ZNF573: variants seen among roughly 807,000 people sequenced by gnomAD.
The protein encoded by ZNF573 is zinc finger protein 573.
In ZNF573, 41 loss-of-function variants were observed where a neutral mutation model predicts 57.4. The observed-to-expected ratio is 0.71, with a 90% CI of 0.56 to 0.93. The LOEUF is 0.93. Among genes scored for constraint, ZNF573 ranks in the 40% least tolerant of loss-of-function variants. The probability of loss-of-function intolerance (pLI) is 0.00; values close to 1 mark genes in which losing one functional copy is unlikely to be tolerated. For synonymous variants in ZNF573, 249 were observed against 261.0 expected (o/e 0.95, Z 0.44); for missense variants, 730 against 794.8 (o/e 0.92, Z 0.98).
intron 4 of ZNF573, among the ~76,000 whole-genome samples, chr19:37,761,804 C>A (rs1035284594): frequency 2.6e-5 from 4 of 152,128 alleles, no homozygotes; most frequent in African/African-American, 9.7e-5. Flanking sequence ...AGGTAATTTC[C>A]CCTGTACCTT....
At chr19:37,757,701 C>G (rs1251560064) in intron 4 of ZNF573, among the ~76,000 whole-genome samples, 1 of 151,996 alleles carries the variant, frequency 6.6e-6, no homozygotes, top group Non-Finnish European at 1.5e-5. Flanking sequence ...GGTATATACC[C>G]AAAGGAATAT....
intron 4 of ZNF573, among the ~76,000 whole-genome samples, chr19:37,754,905 T>A (rs2045472886): frequency 6.6e-6 from 1 of 152,240 alleles, no homozygotes; most frequent in South Asian, 2.1e-4. Flanking sequence ...TTAAAAGATT[T>A]CTAAAAATAA....
intron 4 of ZNF573, among the ~76,000 whole-genome samples, chr19:37,745,464 C>T (rs1257054097): frequency 6.6e-6 from 1 of 152,060 alleles, no homozygotes; most frequent in Non-Finnish European, 1.5e-5. Context: ...GTGACACGAT[C>T]TCAGCTCTGC....
intron 1 of ZNF573, among the ~76,000 whole-genome samples, chr19:37,778,159 C>A (rs1026971523): frequency 6.6e-6 from 1 of 150,868 alleles, no homozygotes; most frequent in Non-Finnish European, 1.5e-5. Flanking sequence ...GTCTTAAAGT[C>A]TCATTGGTAA....
rs183291473 is a variant in ZNF573, at chr19:37,778,743, T to A, written c.-23+801A>T. On this transcript the variant is annotated intron_variant, in intron 1 of 4. Coordinates refer to ENST00000536220, the MANE Select transcript of ZNF573 (RefSeq NM_001172690.2). ...GCAGGACCAGGGAGGGAGAAAAAAA[T>A]CATGAGTTATCAGGCCTTTCCTTGA... Among the ~76,000 whole-genome samples the A allele has an allele frequency of 5.4e-4, 82 of 152,036 alleles. 1 individual carries two copies. The East Asian group carries it at 0.011, about 21-fold the overall frequency.
At chr19:37,768,127 A>G (rs2045618917) in intron 4 of ZNF573, among the ~76,000 whole-genome samples, 6 of 152,182 alleles carry the variant, frequency 3.9e-5, no homozygotes, top group Admixed American at 3.9e-4. Flanking sequence ...AACTCCTGAC[A>G]CGGCTGTGGT....
intron 1 of ZNF573, among the ~76,000 whole-genome samples, chr19:37,778,058 A>T (rs927173346): frequency 2.7e-5 from 4 of 149,726 alleles, no homozygotes; most frequent in African/African-American, 9.8e-5. Flanking sequence ...AATATTTAAG[A>T]GGTGGTCTCT....
At chr19:37,758,444 T>C (rs141646485) in intron 4 of ZNF573, 4,523 of 149,614 alleles carry the variant, frequency 0.03, 111 homozygotes, top group South Asian at 0.072. Flanking sequence ...CTATTAAAAA[T>C]ACAAAAATTA....
chr19:37,768,045 C>T (rs1372044298), intron 4 of ZNF573, among the ~76,000 whole-genome samples: 1 of 151,894 alleles, frequency 6.6e-6, no homozygotes, highest in Non-Finnish European at 1.5e-5. Flanking sequence ...ATAAAATAAT[C>T]TTGTATGTCA....
intron 4 of ZNF573, among the ~76,000 whole-genome samples, chr19:37,769,596 CA>C (rs1383385584): frequency 6.6e-6 from 1 of 151,566 alleles, no homozygotes; most frequent in Non-Finnish European, 1.5e-5. Context: ...CACGGTGGCA[CA>C]CGCCTGTAAT....
At chr19:37,751,762 TA>T (rs2045438191) in intron 4 of ZNF573, among the ~76,000 whole-genome samples, 1 of 120,078 alleles carries the variant, frequency 8.3e-6, no homozygotes, top group Non-Finnish European at 1.8e-5. Context: ...GTATATACTG[TA>T]TATAGTACAT....
At chr19:37,775,007 TC>T (rs1307501600) in intron 1 of ZNF573, among the ~76,000 whole-genome samples, 15 of 147,900 alleles carry the variant, frequency 1.0e-4, no homozygotes, top group South Asian at 2.1e-4. Flanking sequence ...TGCTAAACTC[TC>T]TCTCTTTTTT....
intron 4 of ZNF573, among the ~76,000 whole-genome samples, chr19:37,754,747 C>A (rs1298946090): frequency 6.6e-6 from 1 of 150,612 alleles, no homozygotes; most frequent in Non-Finnish European, 1.5e-5. Context: ...ATCTTGATAT[C>A]AAAAAATTTT....
At chr19:37,745,882 C>A (rs1314552458) in intron 4 of ZNF573, among the ~76,000 whole-genome samples, 1 of 152,112 alleles carries the variant, frequency 6.6e-6, no homozygotes, top group Non-Finnish European at 1.5e-5. Context: ...CAAAGACAAT[C>A]CAAAGTCTGA....
chr19:37,756,473 G>A (rs2045488907), intron 4 of ZNF573, among the ~76,000 whole-genome samples: 2 of 152,082 alleles, frequency 1.3e-5, no homozygotes, highest in East Asian at 1.9e-4. Flanking sequence ...ATGCAATGCT[G>A]GTCTAAGGGG....
In ZNF573 at chr19:37,769,870, C is replaced by G. The variant is rs2045638846; in HGVS notation, c.295+135G>C. ...ATAGCTTATGCTACGATCTTTATTCCCAACCAGGTTGTAGGCCTTTGCTCC... is the reference window on the plus strand; with the variant it reads ...ATAGCTTATGCTACGATCTTTATTCGCAACCAGGTTGTAGGCCTTTGCTCC... On this transcript the variant is annotated intron_variant, in intron 4 of 4. Coordinates refer to ENST00000536220, the MANE Select transcript of ZNF573 (RefSeq NM_001172690.2). The G allele has an allele frequency of 1.4e-5, 10 of 694,382 alleles. No individual in the cohort carries two copies. The South Asian group carries it at 1.7e-4, about 12-fold the overall frequency. The allele number at this position is 694,382 out of a possible 1,614,324, so 43.0% of individuals were successfully genotyped here.
intron 4 of ZNF573, among the ~76,000 whole-genome samples, chr19:37,754,471 G>T (rs2045467986): frequency 1.4e-5 from 2 of 142,060 alleles, no homozygotes; most frequent in African/African-American, 5.3e-5. Flanking sequence ...AGTGAGCCAA[G>T]ATCATGTCAC....
Position 37,738,904 on chromosome 19 carries a change from T to C in ZNF573, c.1586A>G (p.Lys529Arg). The C allele has an allele frequency of 6.2e-7, 1 of 1,611,014 alleles. No homozygotes were observed. The highest frequency in any genetic ancestry group is 8.5e-7 in the Non-Finnish European group (1 of 1,177,740). Residue 529 changes from lysine to arginine, a missense_variant, in exon 5 of 5, where the codon AAG (lysine) becomes AGG (arginine). Transcript: ENST00000536220. The stretch of plus-strand genomic sequence containing the variant: ...GAAAGTAAAGGTTTTTCTACATACC[T>C]TACATTCATAGGGTTTCATACCAGT... ...IHTGMKPYEC[K>R]VCRKTFTFYR...
chr19:37,770,835 TATATATATATATATATATA>T (rs2045650955), intron 3 of ZNF573, among the ~76,000 whole-genome samples: 4 of 20,912 alleles, frequency 1.9e-4, no homozygotes, highest in Non-Finnish European at 6.0e-4. Flanking sequence ...AGTTATTTTA[TATATATATATATATATATA>T]TATATATATA....
Sources: allele counts gnomAD v4.1 joint callset (sites outside exome capture counted in the v4.1 genomes callset), GRCh38; gene constraint gnomAD v4.1.1; transcripts MANE v1.5; gene names NCBI Gene and HGNC (gene_info 2026-07-23, HGNC 2026-07-21).